Variants in PNPLA7 observed in about 807,000 individuals in gnomAD.
The protein encoded by PNPLA7 is patatin-like phospholipase domain-containing protein 7.
Under a neutral mutation model 161.7 loss-of-function variants are expected in PNPLA7, and 153 were observed. That is an observed-to-expected ratio of 0.95 (90% CI 0.83 to 1.08). The LOEUF (loss-of-function observed/expected upper bound fraction) is 1.08, where lower values mean the gene tolerates loss of function less well. PNPLA7 is among the 50% of genes least tolerant of loss of function. The pLI is 0.00. For synonymous variants in PNPLA7, 809 were observed against 782.1 expected (o/e 1.03, Z -0.57); for missense variants, 1,739 against 1,856.6 (o/e 0.94, Z 1.16).
Position 137,461,970 on chromosome 9 carries a change from GAGCATCTTCTCC to G in PNPLA7, c.3705_3716del (p.Glu1236_Leu1239del), listed in dbSNP as rs1831229365. Reference sequence around the variant, plus strand: ...TCTTGCTCGGCCCCTGCTGGTCGCGGAGCATCTTCTCCAGCACGCCGCTGCGGCCCCAGATGT... The same window carrying G: ...TCTTGCTCGGCCCCTGCTGGTCGCGGAGCACGCCGCTGCGGCCCCAGATGT... On this transcript the variant is annotated inframe_deletion, in exon 32 of 35. Transcript: ENST00000406427. The G allele has an allele frequency of 6.3e-7, 1 of 1,594,316 alleles. No individual in the cohort carries two copies. The highest frequency in any genetic ancestry group is 1.7e-5 in the Admixed American group (1 of 58,286).
Position 137,500,737 on chromosome 9 carries a change from T to C in PNPLA7, c.1711A>G (p.Asn571Asp). ...GEPLIFTVKA[N>D]RDCSFLSISK... is the part of the protein sequence containing the mutation. ...ATGGACAGGAAGCTGCAGTCCCTGTTGGCCTTGACGGTGAAGATGAGAGGC... is the reference window on the plus strand; with the variant it reads ...ATGGACAGGAAGCTGCAGTCCCTGTCGGCCTTGACGGTGAAGATGAGAGGC... Residue 571 changes from asparagine (N) to aspartate (D), a missense_variant, in exon 16 of 35, where the codon AAC (asparagine) becomes GAC (aspartate). This residue lies in a region of PNPLA7 where 481 missense variants were observed against 450.0 expected (regional missense o/e 1.07). Coordinates refer to ENST00000406427, the MANE Select transcript of PNPLA7 (RefSeq NM_001098537.3). The surrounding 1 kb of genome is among the most constrained non-coding windows in gnomAD (Gnocchi z 5.5). The C allele has an allele frequency of 6.2e-7, 1 of 1,612,468 alleles. No homozygotes were observed.
Position 137,475,451 on chromosome 9 carries a change from T to C in PNPLA7, c.2882+2583A>G, listed in dbSNP as rs185314574. ...GGGCAGTGGCGCAATCTCAGCTCACTGTAAGCTCCATCCCCCCGGTTCACG... is the reference window on the plus strand; with the variant it reads ...GGGCAGTGGCGCAATCTCAGCTCACCGTAAGCTCCATCCCCCCGGTTCACG... On this transcript the variant is annotated intron_variant, in intron 25 of 34. Transcript: ENST00000406427. 1.9e-3 allele frequency among the ~76,000 whole-genome samples: 290 copies of C among 152,332 alleles called. 1 individual carries two copies. The highest frequency in any genetic ancestry group is 0.017 in the South Asian group (82 of 4,828).
At position 137,502,432 on chromosome 9, in the gene PNPLA7, C is replaced by G. The variant is rs571599539; in HGVS notation, c.1474-705G>C. Reference sequence around the variant, plus strand: ...GAAGGGGGTGAAGGCAGCTCCCCCCCAAAAGAGAAATGACATCACATGTCG... The same window carrying G: ...GAAGGGGGTGAAGGCAGCTCCCCCCGAAAAGAGAAATGACATCACATGTCG... On this transcript the variant is annotated intron_variant, in intron 14 of 34. Transcript: ENST00000406427. 3.3e-5 allele frequency among the ~76,000 whole-genome samples: 5 copies of G among 151,092 alleles called. No individual in the cohort carries two copies. In the East Asian group the frequency reaches 6.1e-4, roughly 18 times the overall value.
chr9:137,518,333 A>C (rs1588663939), intron 11 of PNPLA7, among the ~76,000 whole-genome samples: 2 of 60,966 alleles, frequency 3.3e-5, no homozygotes, highest in African/African-American at 8.3e-5. Context: ...CCACTCACTC[A>C]CTCCACTCTG....
rs575105089 is a variant in PNPLA7, at chr9:137,536,308, C to T, written c.747+4334G>A. 4.6e-5 allele frequency among the ~76,000 whole-genome samples: 7 copies of T among 152,172 alleles called. No individual in the cohort carries two copies. In the South Asian group the frequency reaches 6.2e-4, roughly 14 times the overall value. On this transcript the variant is annotated intron_variant, in intron 8 of 34. Coordinates refer to ENST00000406427, the MANE Select transcript of PNPLA7 (RefSeq NM_001098537.3). Reference sequence around the variant, plus strand: ...ATTTGCTCCACCAAAACACGCCGGCCGAGAAAGCAGCAGCAAGAGCCCTGT... The same window carrying T: ...ATTTGCTCCACCAAAACACGCCGGCTGAGAAAGCAGCAGCAAGAGCCCTGT...
Position 137,490,029 on chromosome 9 carries a change from C to G in PNPLA7, c.2197+2984G>C, listed in dbSNP as rs1832689734. Among the ~76,000 whole-genome samples, 1 of 152,182 alleles carries G rather than the reference C, an allele frequency of 6.6e-6. No individual in the cohort carries two copies. Among genetic ancestry groups the G allele is most frequent in the East Asian group, 1.9e-4 (1 of 5,202 alleles). ...GAAGAAACCCCAAACAGGACAGATCCAAAGTATTCATGCTCAGACACTTCC... is the reference window on the plus strand; with the variant it reads ...GAAGAAACCCCAAACAGGACAGATCGAAAGTATTCATGCTCAGACACTTCC... On this transcript the variant is annotated intron_variant, in intron 20 of 34. Coordinates refer to ENST00000406427, the MANE Select transcript of PNPLA7 (RefSeq NM_001098537.3). The surrounding 1 kb of genome is among the most constrained non-coding windows in gnomAD (Gnocchi z 4.1).
chr9:137,497,071 C>T (rs1237381453), intron 18 of PNPLA7, 116 bp downstream of exon 18: 2 of 1,265,572 alleles, frequency 1.6e-6, no homozygotes, highest in Non-Finnish European at 2.0e-6. Flanking sequence ...CTACTACCAT[C>T]CACTCCTGGG....
chr9:137,461,569 G>C lies in PNPLA7; in HGVS notation c.3808C>G (p.Arg1270Gly), dbSNP rs1237308684. 1.9e-6 allele frequency: 3 copies of C among 1,612,804 alleles called. No homozygotes were observed. The highest frequency in any genetic ancestry group is 1.7e-4 in the Middle Eastern group (1 of 6,056). The change falls in exon 33 of 35, where the codon CGC becomes GGC. Residue 1270 changes from arginine (R) to glycine (G), a missense_variant. By Grantham distance (125) the Arg-to-Gly change is moderately radical. Around this residue, in one of 6 missense-constraint regions of PNPLA7, gnomAD observed 703 missense variants for 694.6 expected, o/e 1.01. Transcript: ENST00000406427. Reference protein sequence around the residue: ...SFTDLAEIVSRIEPAKPAMVD... With the variant: ...SFTDLAEIVSGIEPAKPAMVD... The stretch of plus-strand genomic sequence containing the variant: ...ATGGCGGGCTTGGCGGGCTCAATGC[G>C]AGACACAATTTCGGCAAGGTCCGTG...
At chr9:137,519,161 T>C (rs1464799868) in intron 11 of PNPLA7, among the ~76,000 whole-genome samples, 2 of 152,280 alleles carry the variant, frequency 1.3e-5, no homozygotes, top group African/African-American at 4.8e-5. Context: ...TAATTTCACA[T>C]ACTTTTGTTA....
At chr9:137,550,058 G>A in intron 1 of PNPLA7, 110 bp downstream of exon 1, 21 of 1,369,362 alleles carry the variant, frequency 1.5e-5, no homozygotes, top group Non-Finnish European at 2.2e-5. Context: ...GCGCCAAGAA[G>A]CCACGGGGCC....
chr9:137,548,515 T>C (rs1007325406), intron 1 of PNPLA7, among the ~76,000 whole-genome samples: 23 of 152,116 alleles, frequency 1.5e-4, no homozygotes, highest in African/African-American at 3.6e-4. Context: ...TTTGGGAGGC[T>C]GAGGCGGGCG....
chr9:137,536,180 A>G (rs1018466028), intron 8 of PNPLA7, among the ~76,000 whole-genome samples: 10 of 151,902 alleles, frequency 6.6e-5, no homozygotes, highest in Admixed American at 5.9e-4. Context: ...AAGAAAAAGT[A>G]CAACAAAAAG....
intron 12 of PNPLA7, among the ~76,000 whole-genome samples, chr9:137,512,250 G>A (rs1328118065): frequency 2.0e-5 from 3 of 152,262 alleles, no homozygotes; most frequent in South Asian, 2.1e-4. Flanking sequence ...TGCAGTGGAC[G>A]CACAGACGTA....
chr9:137,465,557 G>C (rs1231294041), intron 26 of PNPLA7, among the ~76,000 whole-genome samples: 1 of 152,204 alleles, frequency 6.6e-6, no homozygotes, highest in Admixed American at 6.5e-5. Context: ...CTGCATGCCA[G>C]TCCCCAAGCC....
At position 137,478,783 on chromosome 9, in the gene PNPLA7, C is replaced by T. The variant is rs1832062063; in HGVS notation, c.2763+273G>A. ...CCATCCCCAGGGTTTGCTGAGCCCC[C>T]TGATTCAGGCCCATCCCCGGGGTTC... On this transcript the variant is annotated intron_variant, in intron 24 of 34. Transcript: ENST00000406427. 9.9e-6 allele frequency: 4 copies of T among 402,988 alleles called. No homozygotes were observed. In the Admixed American group the frequency reaches 1.6e-4, roughly 16 times the overall value. 25.0% of individuals were successfully genotyped at this position (402,988 alleles called of 1,614,324 possible). A position where few individuals can be genotyped will look rare whatever the true frequency, so the allele number is the denominator to read the frequency against.
In PNPLA7 at chr9:137,524,914, C is replaced by T. The variant is rs909023394; in HGVS notation, c.748-2057G>A. 2.0e-5 allele frequency among the ~76,000 whole-genome samples: 3 copies of T among 152,204 alleles called. No homozygotes were observed. The highest frequency in any genetic ancestry group is 1.3e-4 in the Admixed American group (2 of 15,278). ...TCACCAGCAGTTGGTGCCACCATGTCGCATAATAAAGAATTTAGCTGGTCT... is the reference window on the plus strand; with the variant it reads ...TCACCAGCAGTTGGTGCCACCATGTTGCATAATAAAGAATTTAGCTGGTCT... On this transcript the variant is annotated intron_variant, in intron 8 of 34. Transcript: ENST00000406427. The surrounding 1 kb of genome is among the most constrained non-coding windows in gnomAD (Gnocchi z 4.4).
At chr9:137,498,305 G>A in intron 16 of PNPLA7, 60 bp from the exon 17 acceptor site, 1 of 1,591,118 alleles carries the variant, frequency 6.3e-7, no homozygotes, top group Non-Finnish European at 8.5e-7. Flanking sequence ...TTCGCCCAGG[G>A]CCGCAGTGCT....
At chr9:137,531,302 G>A (rs910151953) in intron 8 of PNPLA7, among the ~76,000 whole-genome samples, 6 of 152,144 alleles carry the variant, frequency 3.9e-5, no homozygotes, top group East Asian at 3.9e-4. Context: ...TGTGTTTGGG[G>A]GCGGGTGGGG....
At chr9:137,491,646 C>T in intron 20 of PNPLA7, 1 of 985,440 alleles carries the variant, frequency 1.0e-6, no homozygotes, top group Non-Finnish European at 1.2e-6. Context: ...AACGGTTTTG[C>T]AGAGGAACTC....
Sources: allele counts gnomAD v4.1 joint callset (sites outside exome capture counted in the v4.1 genomes callset), GRCh38; gene constraint gnomAD v4.1.1; regional missense constraint gnomAD v4.1.1; non-coding constraint Gnocchi (gnomAD v3.1); transcripts MANE v1.5; gene names NCBI Gene and HGNC (gene_info 2026-07-23, HGNC 2026-07-21).